Variants in MPRIP observed in about 807,000 individuals in gnomAD.
MPRIP encodes myosin phosphatase Rho interacting protein.
Under a neutral mutation model 234.9 loss-of-function variants are expected in MPRIP, and 59 were observed. The ratio of observed to expected loss-of-function variants is 0.25; its 90% CI spans 0.20 to 0.31. MPRIP has a LOEUF of 0.31. Among genes scored for constraint, MPRIP ranks in the 10% least tolerant of loss-of-function variants. MPRIP has a pLI of 1.00. For missense variants in MPRIP, 2,436 were observed against 3,071.0 expected (o/e 0.79, Z 4.89); for synonymous variants, 1,144 against 1,263.9 (o/e 0.91, Z 2.01).
intron 3 of MPRIP, among the ~76,000 whole-genome samples, chr17:17,090,643 GT>G (rs1170453454): frequency 6.6e-6 from 1 of 152,220 alleles, no homozygotes; most frequent in Non-Finnish European, 1.5e-5. Flanking sequence ...GCAAGCGTCT[GT>G]GATCAGTGTA....
chr17:17,127,479 T>C (rs2090515593), intron 4 of MPRIP, among the ~76,000 whole-genome samples: 1 of 152,262 alleles, frequency 6.6e-6, no homozygotes, highest in Non-Finnish European at 1.5e-5. Context: ...CTGAGCGCAG[T>C]GCTGAGCCCA....
Position 17,138,402 on chromosome 17 carries a change from T to C in MPRIP, c.1223T>C (p.Val408Ala). 3.5e-6 allele frequency: 1 copy of C among 282,426 alleles called. No individual in the cohort carries two copies. The highest frequency in any genetic ancestry group is 6.5e-6 in the Non-Finnish European group (1 of 152,834). 17.5% of individuals were successfully genotyped at this position (282,426 alleles called of 1,614,324 possible). ...TRARSPGREE[V>A]ARLFGNERRR... ...GCCCGGAGCCCTGGCAGGGAGGAGG[T>C]GGCCCGTCTGTTTGGCAACGAGCGG... Residue 408 changes from valine to alanine, a missense_variant, in exon 7 of 24, where the codon GTG becomes GCG. Coordinates refer to ENST00000651222, the MANE Select transcript of MPRIP (RefSeq NM_001364716.4). This position sits in a 1 kb window ranked among gnomAD's most constrained non-coding sequence, Gnocchi z 5.8.
chr17:17,165,199 A>G lies in MPRIP; in HGVS notation c.3608A>G (p.Glu1203Gly). ...ATGGTTGCCTTGGGGAGCAGCTTAGAGGAAACAGAAATTAAGCTCCAGGCA... is the reference window on the plus strand; with the variant it reads ...ATGGTTGCCTTGGGGAGCAGCTTAGGGGAAACAGAAATTAAGCTCCAGGCA... ...VKMVALGSSL[E>G]ETEIKLQAKE... is the part of the protein sequence containing the mutation. Residue 1203 changes from glutamate (E) to glycine (G), a missense_variant, in exon 16 of 24, where the codon GAG becomes GGG. Transcript: ENST00000651222. 1 of 1,304,182 alleles carries G rather than the reference A, an allele frequency of 7.7e-7. No homozygotes were observed. Among genetic ancestry groups the G allele is most frequent in the Non-Finnish European group, 1.0e-6 (1 of 988,972 alleles). 80.8% of individuals were successfully genotyped at this position (1,304,182 alleles called of 1,614,324 possible). A position where few individuals can be genotyped will look rare whatever the true frequency, so the allele number is the denominator to read the frequency against.
intron 1 of MPRIP, among the ~76,000 whole-genome samples, chr17:17,056,672 A>T (rs1250570597): frequency 6.6e-6 from 1 of 151,884 alleles, no homozygotes; most frequent in Non-Finnish European, 1.5e-5. Context: ...TAGCATGTAC[A>T]ATTCCATTGC....
In MPRIP at chr17:17,066,723, C is replaced by CTTTTTTTTTTTTTTTT. The variant is rs34804730; in HGVS notation, c.124-8956_124-8941dup. ...TCAAACCCACAGATACTTTTTTCAT[C>CTTTTTTTTTTTTTTTT]TTTTTTTTTTTTTTTTTTTTTTTTT... is the stretch of plus-strand genomic sequence containing the variant. On this transcript the variant is annotated intron_variant, in intron 1 of 23. Transcript: ENST00000651222. Among the ~76,000 whole-genome samples the CTTTTTTTTTTTTTTTT allele has an allele frequency of 4.1e-4, 15 of 36,636 alleles. 6 individuals carry two copies. Among genetic ancestry groups the CTTTTTTTTTTTTTTTT allele is most frequent in the South Asian group, 2.6e-3 (2 of 758 alleles). 24.0% of individuals were successfully genotyped at this position (36,636 alleles called of 152,430 possible).
chr17:17,178,008 G>A (rs114035913), intron 22 of MPRIP, among the ~76,000 whole-genome samples: 3,715 of 148,254 alleles, frequency 0.025, 156 homozygotes, highest in African/African-American at 0.086. Context: ...TGCAGCCTCC[G>A]CCTCCCAGGC....
At chr17:17,084,229 A>G (rs777204588) in intron 3 of MPRIP, among the ~76,000 whole-genome samples, 1 of 152,194 alleles carries the variant, frequency 6.6e-6, no homozygotes, top group South Asian at 2.1e-4. Flanking sequence ...TCTGTGGTGA[A>G]GCTCATACCT....
intron 14 of MPRIP, 93 bp downstream of exon 14, chr17:17,159,095 C>T: frequency 7.6e-7 from 1 of 1,320,606 alleles, no homozygotes; most frequent in Non-Finnish European, 1.0e-6. Context: ...TTCATCTAGA[C>T]AGTCCTACCC....
intron 13 of MPRIP, among the ~76,000 whole-genome samples, chr17:17,156,817 G>A (rs150384551): frequency 2.3e-3 from 346 of 152,346 alleles, no homozygotes; most frequent in Admixed American, 3.0e-3. Context: ...AGATGTTAGC[G>A]TGCTCTTACA....
Position 17,191,328 on chromosome 17 carries a change from G to C in MPRIP, c.*6434G>C, listed in dbSNP as rs2046582297. 1 of 152,240 alleles carries C rather than the reference G, an allele frequency of 6.6e-6. No individual in the cohort carries two copies. Among genetic ancestry groups the C allele is most frequent in the Non-Finnish European group, 1.5e-5 (1 of 68,052 alleles). The allele number at this position is 152,240 out of a possible 1,614,324, so 9.4% of individuals were successfully genotyped here. A position where few individuals can be genotyped will look rare whatever the true frequency, so the allele number is the denominator to read the frequency against. On this transcript the variant is annotated 3_prime_UTR_variant, in exon 24 of 24. Coordinates refer to ENST00000651222, the MANE Select transcript of MPRIP (RefSeq NM_001364716.4). The stretch of plus-strand genomic sequence containing the variant: ...ACAGTTCTGGGATCAGGGTCTAAAT[G>C]TGCAGTTTCTGAGAACCTTCAAGAC...
rs1485047870 is a variant in MPRIP, at chr17:17,164,619, G to A, written c.3028G>A (p.Ala1010Thr). The A allele has an allele frequency of 1.1e-5, 14 of 1,218,896 alleles. No homozygotes were observed. Among genetic ancestry groups the A allele is most frequent in the African/African-American group, 1.6e-5 (1 of 62,930 alleles). 75.5% of individuals were successfully genotyped at this position (1,218,896 alleles called of 1,614,324 possible). ...CCAGCAACTGGGCGCCAGTGAGCAG[G>A]CGCAGCGGCTGATGGAGGAGAAGCT... ...LSQQLGASEQ[A>T]QRLMEEKLQR... Residue 1010 changes from alanine (A) to threonine (T), a missense_variant, in exon 16 of 24, where the codon GCG (alanine) becomes ACG (threonine). This residue lies in a region of MPRIP where 1,998 missense variants were observed against 2,520.3 expected (regional missense o/e 0.79). Transcript: ENST00000651222.
In MPRIP at chr17:17,138,485, C is replaced by G. The variant is rs575304704; in HGVS notation, c.1250+56C>G. On this transcript the variant is annotated intron_variant, in intron 7 of 23. Coordinates refer to ENST00000651222, the MANE Select transcript of MPRIP (RefSeq NM_001364716.4). The surrounding 1 kb of genome is among the most constrained non-coding windows in gnomAD (Gnocchi z 5.8). ...AGGCCCACACACATGCACTTCCACC[C>G]ACGCACATACACTCATACTCTCTGT... 4 of 174,004 alleles carry G rather than the reference C, an allele frequency of 2.3e-5. No individual in the cohort carries two copies. The East Asian group carries it at 5.0e-4, about 22-fold the overall frequency. 10.8% of individuals were successfully genotyped at this position (174,004 alleles called of 1,614,324 possible).
intron 12 of MPRIP, among the ~76,000 whole-genome samples, chr17:17,152,396 A>G (rs1185186579): frequency 6.6e-6 from 1 of 152,264 alleles, no homozygotes; most frequent in Non-Finnish European, 1.5e-5. Flanking sequence ...AAATGAGGGC[A>G]TCAGCCACTC....
intron 1 of MPRIP, among the ~76,000 whole-genome samples, chr17:17,075,046 T>A (rs2089295635): frequency 1.3e-5 from 2 of 152,216 alleles, no homozygotes; most frequent in South Asian, 4.1e-4. Flanking sequence ...TGCCTTTAAC[T>A]TTCTGAGGAA....
chr17:17,088,524 C>T (rs1036938866), intron 3 of MPRIP, among the ~76,000 whole-genome samples: 1 of 152,202 alleles, frequency 6.6e-6, no homozygotes, highest in Non-Finnish European at 1.5e-5. Context: ...AAAAGCAAAG[C>T]CACATGGCTG....
At chr17:17,131,799 G>A in intron 5 of MPRIP, 98 bp downstream of exon 5, 4 of 1,118,266 alleles carry the variant, frequency 3.6e-6, no homozygotes, top group East Asian at 2.4e-5. Flanking sequence ...ACACAGTCAG[G>A]CCAGGGCTGA....
At chr17:17,065,520 G>C (rs2088997430) in intron 1 of MPRIP, among the ~76,000 whole-genome samples, 1 of 151,370 alleles carries the variant, frequency 6.6e-6, no homozygotes, top group South Asian at 2.1e-4. Flanking sequence ...ACTAACTACT[G>C]TTCCATTGAT....
chr17:17,149,873 T>C, intron 11 of MPRIP: 1 of 237,872 alleles, frequency 4.2e-6, no homozygotes, highest in South Asian at 1.1e-4. Flanking sequence ...GGGCCACCAG[T>C]TTTTAAGAGT....
At chr17:17,090,176 C>T (rs1481940184) in intron 3 of MPRIP, among the ~76,000 whole-genome samples, 1 of 152,196 alleles carries the variant, frequency 6.6e-6, no homozygotes, top group African/African-American at 2.4e-5. Flanking sequence ...GGTGAAGGAA[C>T]AGGGACAGAG....
Sources: gnomAD v4.1 joint callset for allele counts (sites outside exome capture counted in the v4.1 genomes callset) on GRCh38, gnomAD v4.1.1 for gene constraint, gnomAD v4.1.1 regional missense constraint, Gnocchi (gnomAD v3.1) non-coding constraint, MANE v1.5 for transcripts, NCBI Gene and HGNC (gene_info 2026-07-23, HGNC 2026-07-21) for gene names.